RHOBTB2: variants seen among roughly 807,000 people sequenced by gnomAD.
RHOBTB2 encodes the protein rho-related BTB domain-containing protein 2.
RHOBTB2 carries 39 observed loss-of-function variants against 66.5 expected under a neutral mutation model. The ratio of observed to expected loss-of-function variants is 0.59; its 90% CI spans 0.45 to 0.77. The LOEUF is 0.77. Among genes scored for constraint, RHOBTB2 ranks in the 30% least tolerant of loss-of-function variants. RHOBTB2 has a pLI of 0.00. For synonymous variants in RHOBTB2, 390 were observed against 395.0 expected (o/e 0.99, Z 0.15); for missense variants, 755 against 999.1 (o/e 0.76, Z 3.29).
the RHOBTB2 span, among the ~76,000 whole-genome samples, chr8:22,970,604 A>T: frequency 4.7e-5 from 2 of 42,548 alleles, no homozygotes; most frequent in Admixed American, 1.9e-4. Flanking sequence ...CTCTGTCCCT[A>T]AAAAAAAAAA....
In RHOBTB2 at chr8:23,017,570, C is replaced by G; in HGVS notation, c.*101C>G. The stretch of plus-strand genomic sequence containing the variant: ...CATCCACCTTACAGGGACCAGGGGG[C>G]CCACGTAACCAGGACCCAGAGGGTG... On this transcript the variant is annotated 3_prime_UTR_variant, in exon 10 of 10. Transcript: ENST00000251822. The surrounding 1 kb of genome is among the most constrained non-coding windows in gnomAD (Gnocchi z 5.3). 6.7e-7 allele frequency: 1 copy of G among 1,493,166 alleles called. No homozygotes were observed. The highest frequency in any genetic ancestry group is 9.0e-7 in the Non-Finnish European group (1 of 1,111,864). 92.5% of individuals were successfully genotyped at this position (1,493,166 alleles called of 1,614,324 possible).
upstream of RHOBTB2, among the ~76,000 whole-genome samples, chr8:22,998,724 C>CAA (rs555614764): frequency 0.15 from 12,163 of 80,516 alleles, 1,433 homozygotes; most frequent in South Asian, 0.23. Flanking sequence ...GAGGGAGACT[C>CAA]AAAAAAAAAA....
In RHOBTB2 at chr8:23,006,972, A is replaced by G. The variant is rs750655681; in HGVS notation, c.727A>G (p.Ile243Val). The change falls in exon 5 of 10, where the codon ATC becomes GTC. Residue 243 changes from isoleucine to valine, a missense_variant. By Grantham distance (29) the Ile-to-Val change is conservative. This residue lies in a region of RHOBTB2 where 247 missense variants were observed against 238.9 expected (regional missense o/e 1.03). Transcript: ENST00000251822. The surrounding 1 kb of genome is among the most constrained non-coding windows in gnomAD (Gnocchi z 6.1). Reference sequence around the variant, plus strand: ...ACCCCCCAAGCCACCGCCCCCGATCATCGTGGTGCCCGACCCTCCCTCCAG... The same window carrying G: ...ACCCCCCAAGCCACCGCCCCCGATCGTCGTGGTGCCCGACCCTCCCTCCAG... ...FLPPKPPPPI[I>V]VVPDPPSSSE... The G allele has an allele frequency of 5.6e-6, 9 of 1,610,486 alleles. No individual in the cohort carries two copies. Among genetic ancestry groups the G allele is most frequent in the Non-Finnish European group, 7.6e-6 (9 of 1,179,776 alleles).
chr8:22,960,475 C>T, the RHOBTB2 span, among the ~76,000 whole-genome samples: 1,078 of 151,900 alleles, frequency 7.1e-3, 13 homozygotes, highest in African/African-American at 0.024. Context: ...TGCACCACCA[C>T]GCCCGGCTAA....
In RHOBTB2 at chr8:23,010,453, C is replaced by T. The variant is rs1377624327; in HGVS notation, c.1621-85C>T. 5 of 1,490,324 alleles carry T rather than the reference C, an allele frequency of 3.4e-6. No homozygotes were observed. In the Admixed American group the frequency reaches 9.2e-5, roughly 27 times the overall value. 92.3% of individuals were successfully genotyped at this position (1,490,324 alleles called of 1,614,324 possible). ...GTCTGGGGGAGCCTGGGTGTGAGGG[C>T]CAGAGCTCTTCAATTTCTCAGGGTT... On this transcript the variant is annotated intron_variant, in intron 6 of 9. Coordinates refer to ENST00000251822, the MANE Select transcript of RHOBTB2 (RefSeq NM_015178.3).
At chr8:22,966,078 C>A in the RHOBTB2 span, among the ~76,000 whole-genome samples, 3 of 151,746 alleles carry the variant, frequency 2.0e-5, no homozygotes, top group Non-Finnish European at 4.4e-5. Flanking sequence ...CAGCTGGGTG[C>A]GGTGGCTCAT....
At chr8:22,996,380 C>A (rs1395642285), upstream of RHOBTB2, among the ~76,000 whole-genome samples, 1 of 152,124 alleles carries the variant, frequency 6.6e-6, no homozygotes, top group Non-Finnish European at 1.5e-5. Context: ...ATTGCCAGAC[C>A]CACCAGCAGA....
At chr8:23,007,957 T>G in intron 5 of RHOBTB2, 36 bp from the exon 6 acceptor site, 1 of 1,592,390 alleles carries the variant, frequency 6.3e-7, no homozygotes, top group Non-Finnish European at 8.6e-7. Context: ...TCCCAGCTTC[T>G]TTCACCAGTC....
the RHOBTB2 span, among the ~76,000 whole-genome samples, chr8:22,974,553 G>C: frequency 2.0e-5 from 3 of 152,172 alleles, no homozygotes; most frequent in Non-Finnish European, 4.4e-5. Context: ...CTGAGGCCCA[G>C]CTAAAAGATT....
At chr8:22,969,760 T>C in the RHOBTB2 span, among the ~76,000 whole-genome samples, 1 of 152,192 alleles carries the variant, frequency 6.6e-6, no homozygotes, top group South Asian at 2.1e-4. Flanking sequence ...TAGTTTTGTT[T>C]TCTGTGTTTT....
chr8:22,984,113 C>T (rs187067450), upstream of RHOBTB2, among the ~76,000 whole-genome samples: 49 of 151,974 alleles, frequency 3.2e-4, no homozygotes, highest in Non-Finnish European at 6.2e-4. Context: ...TTTAGTAATG[C>T]AAGGCTGAGT....
upstream of RHOBTB2, among the ~76,000 whole-genome samples, chr8:22,985,909 G>A (rs1324327037): frequency 6.6e-6 from 1 of 152,196 alleles, no homozygotes; most frequent in African/African-American, 2.4e-5. Flanking sequence ...ACAGGAGTCA[G>A]CCCAGCAGGC....
intron 2 of RHOBTB2, among the ~76,000 whole-genome samples, chr8:22,992,876 G>A (rs916871982): frequency 2.0e-5 from 3 of 152,222 alleles, no homozygotes; most frequent in Non-Finnish European, 2.9e-5. Flanking sequence ...GGGAGGACTG[G>A]GGGAATGGGC....
At chr8:22,984,434 A>C (rs549110767), upstream of RHOBTB2, among the ~76,000 whole-genome samples, 11 of 152,170 alleles carry the variant, frequency 7.2e-5, no homozygotes, top group South Asian at 2.3e-3. Context: ...GTGTTTTATG[A>C]CTTAGATATG....
rs1431849837 is a variant in RHOBTB2, at chr8:23,019,878, GTGTCCC to G, written c.*2416_*2421del. On this transcript the variant is annotated 3_prime_UTR_variant, in exon 10 of 10. Transcript: ENST00000251822. ...CTGTGGGTGAGCCAGGCCAACATTG[GTGTCCC>G]TGTCCCCAGAGGGAGGAGCAGGCAG... 2 of 193,388 alleles carry G rather than the reference GTGTCCC, an allele frequency of 1.0e-5. No homozygotes were observed. Among genetic ancestry groups the G allele is most frequent in the African/African-American group, 4.7e-5 (2 of 42,216 alleles). 12.0% of individuals were successfully genotyped at this position (193,388 alleles called of 1,614,324 possible). A position where few individuals can be genotyped will look rare whatever the true frequency, so the allele number is the denominator to read the frequency against.
At position 23,007,372 on chromosome 8, in the gene RHOBTB2, C is replaced by T. The variant is rs200370658; in HGVS notation, c.1127C>T (p.Thr376Ile). The T allele has an allele frequency of 7.6e-5, 123 of 1,613,890 alleles. No homozygotes were observed. Among genetic ancestry groups the T allele is most frequent in the Non-Finnish European group, 9.5e-5 (112 of 1,179,960 alleles). ...TSDGILRGNGTGYLPGRGRVL... is the reference protein window; with the variant it reads ...TSDGILRGNGIGYLPGRGRVL... ...GACGGGATCTTACGGGGCAACGGAA[C>T]AGGGTACCTACCGGGCAGGGGTCGT... The change falls in exon 5 of 10, where the codon ACA becomes ATA. Residue 376 changes from threonine (T) to isoleucine (I), a missense_variant. Physicochemically the swap from Thr to Ile is moderately conservative, Grantham distance 89. This residue lies in a region of RHOBTB2 where 247 missense variants were observed against 238.9 expected (regional missense o/e 1.03). Transcript: ENST00000251822.
At chr8:23,011,144 C>T (rs1442854957) in intron 7 of RHOBTB2, among the ~76,000 whole-genome samples, 1 of 152,172 alleles carries the variant, frequency 6.6e-6, no homozygotes, top group Non-Finnish European at 1.5e-5. Flanking sequence ...ATCCCAGCTA[C>T]TCGGGAGGCT....
Position 23,006,696 on chromosome 8 carries a change from C to A in RHOBTB2, c.483-32C>A. On this transcript the variant is annotated intron_variant, in intron 4 of 9. Coordinates refer to ENST00000251822, the MANE Select transcript of RHOBTB2 (RefSeq NM_015178.3). This position sits in a 1 kb window ranked among gnomAD's most constrained non-coding sequence, Gnocchi z 6.1. ...ACAGGCAGCCTCCCTCCACCACCAA[C>A]ACAAGCTTGGTTTCCTTCTTGAACC... The A allele has an allele frequency of 6.3e-7, 1 of 1,577,010 alleles. No individual in the cohort carries two copies. Among genetic ancestry groups the A allele is most frequent in the Non-Finnish European group, 8.6e-7 (1 of 1,157,140 alleles).
the RHOBTB2 span, among the ~76,000 whole-genome samples, chr8:22,955,966 T>G: frequency 1.3e-5 from 2 of 152,136 alleles, no homozygotes; most frequent in Admixed American, 6.5e-5. Flanking sequence ...ATGAAGAAGT[T>G]AAATCCCAAA....
Sources: gnomAD v4.1 joint callset for allele counts (sites outside exome capture counted in the v4.1 genomes callset) on GRCh38, gnomAD v4.1.1 for gene constraint, gnomAD v4.1.1 regional missense constraint, Gnocchi (gnomAD v3.1) non-coding constraint, MANE v1.5 for transcripts, NCBI Gene and HGNC (gene_info 2026-07-23, HGNC 2026-07-21) for gene names.